PSG3: variants seen among roughly 807,000 people sequenced by gnomAD.
PSG3 encodes pregnancy specific beta-1-glycoprotein 3, also known as pregnancy-specific beta-1-glycoprotein 3.
PSG3 carries 61 observed loss-of-function variants against 47.5 expected under a neutral mutation model. That is an observed-to-expected ratio of 1.28 (90% confidence interval 1.05 to 1.59). The LOEUF (loss-of-function observed/expected upper bound fraction) is 1.59. Among genes scored for constraint, PSG3 ranks in the 40% most tolerant of loss-of-function variants. The probability of loss-of-function intolerance (pLI) is 0.00; values close to 1 mark genes in which losing one functional copy is unlikely to be tolerated. For synonymous variants in PSG3, 263 were observed against 198.4 expected, an observed-to-expected ratio of 1.33 and a Z score of -2.74; for missense variants, 756 against 524.0, an observed-to-expected ratio of 1.44 and a Z score of -4.32.
intron 2 of PSG3, among the ~76,000 whole-genome samples, chr19:42,738,361 T>C (rs1266155496): frequency 2.0e-5 from 3 of 152,190 alleles, no homozygotes; most frequent in African/African-American, 7.2e-5. Flanking sequence ...AGGGCTGAGC[T>C]TCTCTGAGAG....
rs138127977 is a variant in PSG3 at position 42,729,864 on chromosome 19, G to C, written c.902C>G (p.Thr301Arg). ...ENRILILPSV[T>R]RNETGPYQCE... Reference sequence around the variant, plus strand: ...TTGATAGGGTCCTGTTTCATTTCTCGTGACACTGGGTAGAATGAGGATCCT... The same window carrying C: ...TTGATAGGGTCCTGTTTCATTTCTCCTGACACTGGGTAGAATGAGGATCCT... Residue 301 changes from threonine (T) to arginine (R), a missense_variant, in exon 4 of 7, where the codon ACG becomes AGG. Thr to Arg is a moderately conservative substitution (Grantham distance 71). Coordinates refer to ENST00000327495, the MANE Select transcript of PSG3 (RefSeq NM_021016.4). The C allele has an allele frequency of 6.8e-6, 11 of 1,612,786 alleles. No homozygotes were observed. In the African/African-American group the frequency reaches 8.0e-5, roughly 12 times the overall value.
chr19:42,724,237 A>T (rs1222873450), intron 5 of PSG3, among the ~76,000 whole-genome samples: 1 of 152,078 alleles, frequency 6.6e-6, no homozygotes, highest in African/African-American at 2.4e-5. Flanking sequence ...TCCTCTGTCA[A>T]TTCTCTACTG....
In PSG3 at chr19:42,739,059, G is replaced by A. The variant is rs749115141; in HGVS notation, c.95C>T (p.Thr32Ile). The A allele has an allele frequency of 5.0e-6, 8 of 1,610,126 alleles. No homozygotes were observed. The highest frequency in any genetic ancestry group is 6.8e-6 in the Non-Finnish European group (8 of 1,176,754). Reference sequence around the variant, plus strand: ...GGCTTCAATCGTGACTTGGGCAGTGGTAGGCAAGTTCCAGAAGTTTAAAAG... The same window carrying A: ...GGCTTCAATCGTGACTTGGGCAGTGATAGGCAAGTTCCAGAAGTTTAAAAG... The part of the protein sequence containing the change: ...ALLLNFWNLP[T>I]TAQVTIEAEP... Residue 32 changes from threonine (T) to isoleucine (I), a missense_variant, in exon 2 of 7, where the codon ACC becomes ATC. By Grantham distance (89) the Thr-to-Ile change is moderately conservative. Transcript: ENST00000327495.
rs1969435995 is a variant in PSG3, at chr19:42,729,581, A to G, written c.988+197T>C. ...TGTGGGCCCCAAGTCTCCCATGACAAGAGCGTCCCCTCCCCTTATATTCTT... is the reference window on the plus strand; with the variant it reads ...TGTGGGCCCCAAGTCTCCCATGACAGGAGCGTCCCCTCCCCTTATATTCTT... On this transcript the variant is annotated intron_variant, in intron 4 of 6. Transcript: ENST00000327495. 2.0e-5 allele frequency among the ~76,000 whole-genome samples: 3 copies of G among 152,190 alleles called. No homozygotes were observed. The South Asian group carries it at 6.2e-4, about 32-fold the overall frequency.
intron 2 of PSG3, chr19:42,733,612 T>G (rs4030933): frequency 0.63 from 99,090 of 157,474 alleles, 32,683 homozygotes; most frequent in African/African-American, 0.84. Context: ...AAGTCCGGAG[T>G]TCAGTTCAGT....
intron 3 of PSG3, chr19:42,731,902 T>G (rs1446597599): frequency 6.6e-6 from 1 of 151,266 alleles, no homozygotes; most frequent in East Asian, 1.9e-4. Flanking sequence ...CTGAAATTCT[T>G]TCCTTAATTT....
chr19:42,724,495 C>G (rs963018173), intron 5 of PSG3, among the ~76,000 whole-genome samples: 2 of 152,196 alleles, frequency 1.3e-5, no homozygotes, highest in Admixed American at 1.3e-4. Context: ...AGGCTCCCAG[C>G]AAGGGCGTGA....
chr19:42,726,192 C>T (rs1969375557), intron 5 of PSG3, among the ~76,000 whole-genome samples: 2 of 152,154 alleles, frequency 1.3e-5, no homozygotes, highest in African/African-American at 4.8e-5. Flanking sequence ...ACATCATACT[C>T]AACGGAGAAA....
Position 42,739,041 on chromosome 19 carries a change from A to T in PSG3, c.113T>A (p.Ile38Asn), listed in dbSNP as rs371912055. ...WNLPTTAQVT[I>N]EAEPTKVSKG... ...GGAAACTTTGGTTGGCTCGGCTTCAATCGTGACTTGGGCAGTGGTAGGCAA... is the reference window on the plus strand; with the variant it reads ...GGAAACTTTGGTTGGCTCGGCTTCATTCGTGACTTGGGCAGTGGTAGGCAA... The change falls in exon 2 of 7, where the codon ATT becomes AAT. Residue 38 changes from isoleucine (I) to asparagine (N), a missense_variant. Coordinates refer to ENST00000327495, the MANE Select transcript of PSG3 (RefSeq NM_021016.4). 7 of 1,613,286 alleles carry T rather than the reference A, an allele frequency of 4.3e-6. No individual in the cohort carries two copies. Among genetic ancestry groups the T allele is most frequent in the Non-Finnish European group, 5.9e-6 (7 of 1,179,340 alleles).
At chr19:42,731,483 T>C (rs990613505) in intron 3 of PSG3, among the ~76,000 whole-genome samples, 4 of 152,130 alleles carry the variant, frequency 2.6e-5, no homozygotes, top group Admixed American at 1.3e-4. Context: ...CTGGCCATGC[T>C]GCACTTGTAT....
rs200684147 is a variant in PSG3, at chr19:42,725,890, C to CAA, written c.1244-1867_1244-1866dup. On this transcript the variant is annotated intron_variant, in intron 5 of 6. Coordinates refer to ENST00000327495, the MANE Select transcript of PSG3 (RefSeq NM_021016.4). ...TCTCTCTCTCTTCAACAACAACAAC[C>CAA]AAAAAAAAAAAAAAAAAAAGAAAAA... Among the ~76,000 whole-genome samples the CAA allele has an allele frequency of 2.1e-3, 146 of 68,018 alleles. 2 individuals carry two copies. Among genetic ancestry groups the CAA allele is most frequent in the Middle Eastern group, 9.3e-3 (1 of 108 alleles). The allele number at this position is 68,018 out of a possible 152,430, so 44.6% of individuals were successfully genotyped here. A position where few individuals can be genotyped will look rare whatever the true frequency, so the allele number is the denominator to read the frequency against.
intron 2 of PSG3, among the ~76,000 whole-genome samples, chr19:42,738,026 C>T (rs1372728768): frequency 1.3e-5 from 2 of 152,326 alleles, no homozygotes; most frequent in African/African-American, 2.4e-5. Flanking sequence ...ATCTTCTCTC[C>T]TCTGTTTCTG....
At chr19:42,723,475 A>T (rs1014347946) in intron 6 of PSG3, among the ~76,000 whole-genome samples, 1 of 152,226 alleles carries the variant, frequency 6.6e-6, no homozygotes, top group African/African-American at 2.4e-5. Context: ...GAACTTATCA[A>T]AGTGGCTAGA....
At chr19:42,732,567 A>C in intron 3 of PSG3, 1 of 1,141,836 alleles carries the variant, frequency 8.8e-7, no homozygotes, top group Non-Finnish European at 1.2e-6. Context: ...CAAGCTGTGG[A>C]CGCTGAGTCT....
intron 5 of PSG3, among the ~76,000 whole-genome samples, chr19:42,728,353 C>T (rs190533302): frequency 2.6e-5 from 4 of 152,328 alleles, no homozygotes; most frequent in Non-Finnish European, 4.4e-5. Context: ...AGGGGTGAAT[C>T]TCCCTATTTC....
intron 5 of PSG3, among the ~76,000 whole-genome samples, chr19:42,724,538 C>G (rs986929117): frequency 6.6e-6 from 1 of 152,210 alleles, no homozygotes; most frequent in Non-Finnish European, 1.5e-5. Flanking sequence ...CTCTCTTTAA[C>G]TCTAATGGGT....
intron 5 of PSG3, among the ~76,000 whole-genome samples, chr19:42,725,009 G>A (rs1969353973): frequency 6.6e-6 from 1 of 152,000 alleles, no homozygotes; most frequent in Non-Finnish European, 1.5e-5. Context: ...TTTCCATTTT[G>A]CCGATGAAAA....
intron 1 of PSG3, 149 bp downstream of exon 1, chr19:42,740,172 T>G: frequency 6.6e-7 from 1 of 1,507,864 alleles, no homozygotes; most frequent in South Asian, 1.2e-5. Flanking sequence ...CAGACTGATC[T>G]TGAACTCCTG....
rs368761010 is a variant in PSG3, at chr19:42,734,835, T to C, written c.431-1773A>G. 2.0e-5 allele frequency among the ~76,000 whole-genome samples: 3 copies of C among 152,370 alleles called. No homozygotes were observed. The East Asian group carries it at 5.8e-4, about 29-fold the overall frequency. The stretch of plus-strand genomic sequence containing the variant: ...AGTAAATATAGAAAGAACCTGCTTC[T>C]AATTTCTGTGCAGAGTTAGGAAAAA... On this transcript the variant is annotated intron_variant, in intron 2 of 6. Transcript: ENST00000327495.
Sources: gnomAD v4.1 joint callset for allele counts (sites outside exome capture counted in the v4.1 genomes callset) on GRCh38, gnomAD v4.1.1 for gene constraint, MANE v1.5 for transcripts, NCBI Gene and HGNC (gene_info 2026-07-23, HGNC 2026-07-21) for gene names.